GPC6: variants seen among roughly 807,000 people sequenced by gnomAD.
The protein encoded by GPC6 is glypican-6.
A neutral mutation model predicts 55.2 loss-of-function variants in GPC6; 14 were observed. The ratio of observed to expected loss-of-function variants is 0.25; its 90% CI spans 0.17 to 0.40. The LOEUF is 0.40. Ranked by LOEUF, GPC6 falls within the 10% of genes least tolerant of loss-of-function variation. The pLI is 1.00. For missense variants in GPC6, 641 were observed against 708.5 expected, an observed-to-expected ratio of 0.90 and a Z score of 1.08; for synonymous variants, 278 against 259.6, an observed-to-expected ratio of 1.07 and a Z score of -0.68.
chr13:93,895,234 G>GTGTGTATATATATA (rs1196315147), intron 3 of GPC6, among the ~76,000 whole-genome samples: 9 of 108,206 alleles, frequency 8.3e-5, no homozygotes, highest in Non-Finnish European at 1.2e-4. Flanking sequence ...GTGTGTGTGT[G>GTGTGTATATATATA]TATATATATA....
intron 2 of GPC6, among the ~76,000 whole-genome samples, chr13:93,789,485 C>G (rs887898610): frequency 1.8e-5 from 1 of 55,578 alleles, no homozygotes; most frequent in Non-Finnish European, 3.4e-5. Flanking sequence ...TGAGTGAACT[C>G]TCTCTCTCTC....
intron 2 of GPC6, among the ~76,000 whole-genome samples, chr13:93,760,050 G>T (rs1222125681): frequency 6.6e-6 from 1 of 151,230 alleles, no homozygotes; most frequent in East Asian, 1.9e-4. Context: ...TGAATAACAG[G>T]GGCATTAGTT....
chr13:93,220,323 T>C, the GPC6 span, among the ~76,000 whole-genome samples: 1 of 152,218 alleles, frequency 6.6e-6, no homozygotes, highest in African/African-American at 2.4e-5. Flanking sequence ...TCATTCATCC[T>C]TCACAAAAGC....
chr13:93,633,585 G>A (rs955674782), intron 2 of GPC6, among the ~76,000 whole-genome samples: 1 of 151,866 alleles, frequency 6.6e-6, no homozygotes, highest in Non-Finnish European at 1.5e-5. Context: ...GCCATGAGCC[G>A]AGATGGCGCC....
At chr13:94,362,051 A>G (rs780887513) in intron 6 of GPC6, among the ~76,000 whole-genome samples, 4 of 152,194 alleles carry the variant, frequency 2.6e-5, no homozygotes, top group African/African-American at 4.8e-5. Context: ...ACTTGATTTC[A>G]TTTTGGAATA....
chr13:93,882,604 T>C (rs1875063570), intron 3 of GPC6, among the ~76,000 whole-genome samples: 1 of 152,224 alleles, frequency 6.6e-6, no homozygotes, highest in Admixed American at 6.5e-5. Flanking sequence ...GATCATTTTG[T>C]GTGATGTAAA....
intron 2 of GPC6, among the ~76,000 whole-genome samples, chr13:93,797,195 A>G (rs1245460345): frequency 6.6e-6 from 1 of 152,184 alleles, no homozygotes; most frequent in Non-Finnish European, 1.5e-5. Flanking sequence ...CCCTTTGCCT[A>G]GGGCGGAACC....
intron 1 of GPC6, among the ~76,000 whole-genome samples, chr13:93,439,401 A>T (rs1014160549): frequency 6.6e-6 from 1 of 152,130 alleles, no homozygotes; most frequent in Non-Finnish European, 1.5e-5. Context: ...AATAAGTCTC[A>T]TAAGATTTGA....
At chr13:93,403,895 AC>A (rs1409344161) in intron 1 of GPC6, among the ~76,000 whole-genome samples, 7 of 152,042 alleles carry the variant, frequency 4.6e-5, no homozygotes, top group South Asian at 2.1e-4. Context: ...TATTAGATAG[AC>A]CTTTGTCTTA....
chr13:93,652,714 CT>C (rs1297524248), intron 2 of GPC6, among the ~76,000 whole-genome samples: 3 of 152,154 alleles, frequency 2.0e-5, no homozygotes, highest in Non-Finnish European at 4.4e-5. Flanking sequence ...CTAACATGGT[CT>C]TTTCCATATG....
intron 3 of GPC6, among the ~76,000 whole-genome samples, chr13:93,873,105 C>T (rs1365097072): frequency 6.6e-6 from 1 of 150,788 alleles, no homozygotes; most frequent in Non-Finnish European, 1.5e-5. Flanking sequence ...GAGAAAAGGA[C>T]ATTTTGTGAT....
chr13:93,286,570 A>C (rs781121188), intron 1 of GPC6, among the ~76,000 whole-genome samples: 29 of 152,000 alleles, frequency 1.9e-4, no homozygotes, highest in Non-Finnish European at 3.7e-4. Context: ...TGATTTAAAC[A>C]CTCCTCTATA....
intron 2 of GPC6, among the ~76,000 whole-genome samples, chr13:93,664,310 T>C (rs1881045374): frequency 6.6e-6 from 1 of 152,156 alleles, no homozygotes; most frequent in South Asian, 2.1e-4. Flanking sequence ...AAAAAGCCCG[T>C]TAGCTGCAGA....
intron 3 of GPC6, among the ~76,000 whole-genome samples, chr13:93,923,239 C>A (rs1477352333): frequency 6.6e-6 from 1 of 152,150 alleles, no homozygotes; most frequent in Non-Finnish European, 1.5e-5. Flanking sequence ...GTAGCATTAT[C>A]ATTTGTAATA....
At chr13:94,392,726 G>C (rs866690344) in intron 7 of GPC6, among the ~76,000 whole-genome samples, 8 of 15,422 alleles carry the variant, frequency 5.2e-4, no homozygotes, top group South Asian at 3.3e-3. Flanking sequence ...CCACCCTCTT[G>C]GTCAGGCTGG....
At chr13:93,970,589 T>A (rs932808395) in intron 3 of GPC6, among the ~76,000 whole-genome samples, 1 of 152,204 alleles carries the variant, frequency 6.6e-6, no homozygotes, top group Non-Finnish European at 1.5e-5. Context: ...TAAGATTAAA[T>A]GAGTAAGGAG....
intron 2 of GPC6, among the ~76,000 whole-genome samples, chr13:93,746,051 A>T (rs114291030): frequency 1.0e-3 from 152 of 152,322 alleles, no homozygotes; most frequent in African/African-American, 3.4e-3. Context: ...TTATCACATG[A>T]GTGGAAAGCC....
intron 1 of GPC6, among the ~76,000 whole-genome samples, chr13:93,252,207 A>G (rs1306946991): frequency 6.6e-6 from 1 of 152,196 alleles, no homozygotes; most frequent in Middle Eastern, 3.2e-3. Flanking sequence ...TGTTCTCTGG[A>G]CCACACTTTG....
chr13:94,312,219 A>T (rs1876284041), intron 6 of GPC6, among the ~76,000 whole-genome samples: 1 of 152,210 alleles, frequency 6.6e-6, no homozygotes. Context: ...CCAAAAATAC[A>T]CTGTAACTTT....
Sources: allele counts gnomAD v4.1 joint callset (sites outside exome capture counted in the v4.1 genomes callset), GRCh38; gene constraint gnomAD v4.1.1; transcripts MANE v1.5; gene names NCBI Gene and HGNC (gene_info 2026-07-23, HGNC 2026-07-21).